Variants in PPL observed in about 807,000 individuals in gnomAD.
PPL encodes periplakin, also known as 190 kDa paraneoplastic pemphigus antigen.
In PPL, 198 loss-of-function variants were observed where a neutral mutation model predicts 194.4. The ratio of observed to expected loss-of-function variants is 1.02; its 90% CI spans 0.91 to 1.15. PPL has a LOEUF of 1.15. PPL is among the 50% of genes most tolerant of loss of function. PPL has a pLI of 0.00. For missense variants in PPL, 2,885 were observed against 2,294.8 expected, an observed-to-expected ratio of 1.26 and a Z score of -5.25; for synonymous variants, 1,220 against 972.4, an observed-to-expected ratio of 1.25 and a Z score of -4.74.
At position 4,883,335 on chromosome 16, in the gene PPL, G is replaced by A. The variant is rs569693403; in HGVS notation, c.*49C>T. On this transcript the variant is annotated 3_prime_UTR_variant, in exon 22 of 22. Coordinates refer to ENST00000345988, the MANE Select transcript of PPL (RefSeq NM_002705.5). The surrounding 1 kb of genome is among the most constrained non-coding windows in gnomAD (Gnocchi z 4.8). ...ACGACACCAAGGAGGTCACTGCGTC[G>A]TAGGAGAGGGCCAGCGTCTGCCGTT... 25 of 1,608,130 alleles carry A rather than the reference G, an allele frequency of 1.6e-5. No homozygotes were observed. Among genetic ancestry groups the A allele is most frequent in the African/African-American group, 8.0e-5 (6 of 74,906 alleles).
Position 4,902,602 on chromosome 16 carries a change from C to T in PPL, c.318-76G>A. On this transcript the variant is annotated intron_variant, in intron 3 of 21. Transcript: ENST00000345988. This position sits in a 1 kb window ranked among gnomAD's most constrained non-coding sequence, Gnocchi z 4.0. ...CCCCAGGAGGGGCCCCCCACCCAGA[C>T]CCCGGCCTCAGTGTCCTGGAAGGAC... 6.5e-7 allele frequency: 1 copy of T among 1,539,380 alleles called. No homozygotes were observed.
chr16:4,900,094 G>A (rs1356771598), intron 6 of PPL, among the ~76,000 whole-genome samples: 1 of 152,136 alleles, frequency 6.6e-6, no homozygotes, highest in South Asian at 2.1e-4. Context: ...AAGGAGCAGA[G>A]GAAGCATGGC....
rs750194135 is a variant in PPL at position 4,901,074 on chromosome 16, G to C, written c.454C>G (p.Gln152Glu). 2.5e-6 allele frequency: 4 copies of C among 1,614,046 alleles called. No homozygotes were observed. The highest frequency in any genetic ancestry group is 3.4e-6 in the Non-Finnish European group (4 of 1,180,048). ...AGCGGCAGGTCAGTCCCAAAGCTCT[G>C]GTTGTTCAGCTTGTCCTGGCCAGGA... ...VEEKLDKLNN[Q>E]SFGTDLPLVD... The change falls in exon 5 of 22, where the codon CAG (glutamine) becomes GAG (glutamate). Residue 152 changes from glutamine (Q) to glutamate (E), a missense_variant. By Grantham distance (29) the Gln-to-Glu change is conservative. Transcript: ENST00000345988.
chr16:4,911,035 C>A, intron 1 of PPL, 86 bp from the exon 2 acceptor site: 2 of 1,095,306 alleles, frequency 1.8e-6, no homozygotes, highest in Admixed American at 1.9e-5. Context: ...TCTGGCTGGC[C>A]CCGGCCCCAC....
chr16:4,927,370 A>G (rs913759287), intron 1 of PPL, among the ~76,000 whole-genome samples: 3 of 152,248 alleles, frequency 2.0e-5, no homozygotes, highest in Non-Finnish European at 4.4e-5. Context: ...GCACATCAAA[A>G]GAATGATGTC....
intron 11 of PPL, 84 bp from the exon 12 acceptor site, chr16:4,894,702 T>G: frequency 6.6e-7 from 1 of 1,505,952 alleles, no homozygotes; most frequent in East Asian, 2.3e-5. Flanking sequence ...CCCCGACTCT[T>G]GGACCTGGGG....
At position 4,895,268 on chromosome 16, in the gene PPL, C is replaced by T. The variant is rs746655566; in HGVS notation, c.1235G>A (p.Gly412Glu). ...IPVEALCDFE[G>E]EQGLISRGYS... ...GGAGCTGGCCCCACGCACCTGCTCCCCCTCAAAGTCACAGAGTGCCTCCAC... is the reference window on the plus strand; with the variant it reads ...GGAGCTGGCCCCACGCACCTGCTCCTCCTCAAAGTCACAGAGTGCCTCCAC... Residue 412 changes from glycine (G) to glutamate (E), a missense_variant, in exon 11 of 22, where the codon GGG becomes GAG. Physicochemically the swap from Gly to Glu is moderately conservative, Grantham distance 98. Transcript: ENST00000345988. The T allele has an allele frequency of 1.2e-6, 2 of 1,604,888 alleles. No individual in the cohort carries two copies. The highest frequency in any genetic ancestry group is 1.1e-5 in the South Asian group (1 of 90,840).
At chr16:4,904,826 G>C (rs1341626923) in intron 2 of PPL, among the ~76,000 whole-genome samples, 1 of 152,190 alleles carries the variant, frequency 6.6e-6, no homozygotes, top group Admixed American at 6.5e-5. Flanking sequence ...GCAGGCAGTG[G>C]TCTGTGGCAG....
Position 4,885,823 on chromosome 16 carries a change from G to A in PPL, c.2832C>T (p.Pro944=), listed in dbSNP as rs767396537. Residue 944 remains proline, a synonymous_variant, in exon 22 of 22, where the codon CCC becomes CCT. Transcript: ENST00000345988. This position sits in a 1 kb window ranked among gnomAD's most constrained non-coding sequence, Gnocchi z 6.3. ...RKEVLKKVPD[P]VLEESFQQLQ... ...GCTGCTGGAAGCTCTCCTCCAGCAC[G>A]GGATCCGGCACCTTCTTGAGCACCT... 18 of 1,608,082 alleles carry A rather than the reference G, an allele frequency of 1.1e-5. No homozygotes were observed. Among genetic ancestry groups the A allele is most frequent in the Non-Finnish European group, 1.4e-5 (17 of 1,179,952 alleles).
chr16:4,914,793 G>A lies in PPL; in HGVS notation c.63-3844C>T, dbSNP rs78287469. ...TGGGGGGCTTTGGATGGAGGATCTC[G>A]GTAAGAAGGGATAAGGTGGGCTTCT... is the stretch of plus-strand genomic sequence containing the variant. On this transcript the variant is annotated intron_variant, in intron 1 of 21. Coordinates refer to ENST00000345988, the MANE Select transcript of PPL (RefSeq NM_002705.5). Among the ~76,000 whole-genome samples, 966 of 152,248 alleles carry A rather than the reference G, an allele frequency of 6.3e-3. 5 individuals carry two copies. Among genetic ancestry groups the A allele is most frequent in the African/African-American group, 0.022 (915 of 41,530 alleles).
intron 1 of PPL, among the ~76,000 whole-genome samples, chr16:4,913,718 C>G (rs2088863613): frequency 6.6e-6 from 1 of 152,164 alleles, no homozygotes; most frequent in African/African-American, 2.4e-5. Context: ...CTGTTGTTTT[C>G]TTTAAACAAA....
intron 11 of PPL, among the ~76,000 whole-genome samples, 198 bp downstream of exon 11, chr16:4,895,063 G>A (rs1026377821): frequency 6.6e-6 from 1 of 152,214 alleles, no homozygotes; most frequent in South Asian, 2.1e-4. Flanking sequence ...CTAAGCTGGT[G>A]GAACACAAGG....
chr16:4,889,257 T>TGG (rs1567992974), intron 18 of PPL, among the ~76,000 whole-genome samples, 196 bp from the exon 19 acceptor site: 13 of 125,548 alleles, frequency 1.0e-4, no homozygotes, highest in African/African-American at 3.1e-4. Flanking sequence ...TTTTTTTTTT[T>TGG]TTTTTTTTTT....
intron 1 of PPL, among the ~76,000 whole-genome samples, chr16:4,931,614 GGC>G (rs1568067158): frequency 2.9e-4 from 44 of 152,306 alleles, no homozygotes; most frequent in African/African-American, 1.0e-3. Context: ...CGGTAACACC[GGC>G]ACAGACCTGC....
intron 8 of PPL, among the ~76,000 whole-genome samples, chr16:4,898,582 A>G (rs1313294585): frequency 2.0e-5 from 3 of 152,162 alleles, no homozygotes; most frequent in Non-Finnish European, 4.4e-5. Flanking sequence ...GGAATGATGC[A>G]GCCACAAGCC....
At chr16:4,895,494 G>C in intron 10 of PPL, 87 bp from the exon 11 acceptor site, 2 of 1,602,344 alleles carry the variant, frequency 1.2e-6, no homozygotes, top group South Asian at 1.1e-5. Context: ...GATTCAGCAG[G>C]TGGGGTGCTG....
At position 4,890,734 on chromosome 16, in the gene PPL, T is replaced by C. The variant is rs1201720161; in HGVS notation, c.2156A>G (p.Glu719Gly). Residue 719 changes from glutamate (E) to glycine (G), a missense_variant, in exon 17 of 22, where the codon GAA becomes GGA. Transcript: ENST00000345988. ...CCACCCACCGCACCCTCACCTGCGT[T>C]CCACCTGCTGGCGCAGGTTGTTGAA... ...QRFNNLRQQV[E>G]RRAQSLQSAK... 3.7e-6 allele frequency: 6 copies of C among 1,605,954 alleles called. No homozygotes were observed. The highest frequency in any genetic ancestry group is 1.1e-5 in the South Asian group (1 of 90,110).
chr16:4,932,013 A>G (rs756216002), intron 1 of PPL, among the ~76,000 whole-genome samples: 5 of 152,174 alleles, frequency 3.3e-5, no homozygotes, highest in Non-Finnish European at 7.3e-5. Context: ...ACAAACACCA[A>G]TGACTCTACC....
chr16:4,885,460 C>T lies in PPL; in HGVS notation c.3195G>A (p.Gln1065=). The change falls in exon 22 of 22, where the codon CAG becomes CAA. Residue 1065 remains glutamine, a synonymous_variant. Coordinates refer to ENST00000345988, the MANE Select transcript of PPL (RefSeq NM_002705.5). This position sits in a 1 kb window ranked among gnomAD's most constrained non-coding sequence, Gnocchi z 6.3. ...KEVVKLQNDP[Q]LEAEYQQLQE... ...GCAGCTGCTGGTACTCTGCCTCCAG[C>T]TGGGGGTCATTCTGCAGTTTCACCA... 1 of 1,612,614 alleles carries T rather than the reference C, an allele frequency of 6.2e-7. No individual in the cohort carries two copies. The highest frequency in any genetic ancestry group is 1.1e-5 in the South Asian group (1 of 91,076).
Sources: gnomAD v4.1 joint callset for allele counts (sites outside exome capture counted in the v4.1 genomes callset) on GRCh38, gnomAD v4.1.1 for gene constraint, Gnocchi (gnomAD v3.1) non-coding constraint, MANE v1.5 for transcripts, NCBI Gene and HGNC (gene_info 2026-07-23, HGNC 2026-07-21) for gene names.